Variants in TENM3 observed in about 807,000 individuals in gnomAD.
TENM3 encodes teneurin-3.
TENM3 carries 63 observed loss-of-function variants against 255.1 expected under a neutral mutation model. The observed-to-expected ratio is 0.25, with a 90% CI of 0.20 to 0.30. The LOEUF (loss-of-function observed/expected upper bound fraction) is 0.30, where lower values mean the gene tolerates loss of function less well. Ranked by LOEUF, TENM3 falls within the 10% of genes least tolerant of loss-of-function variation. TENM3 has a pLI of 1.00. For missense variants in TENM3, 2,929 were observed against 3,461.1 expected (o/e 0.85, Z 3.86); for synonymous variants, 1,306 against 1,322.3 (o/e 0.99, Z 0.27).
chr4:182,356,379 G>T (rs1765528500), intron 3 of TENM3, among the ~76,000 whole-genome samples: 1 of 152,140 alleles, frequency 6.6e-6, no homozygotes, highest in Admixed American at 6.6e-5. Context: ...TATAGTGGGT[G>T]TGGAAGTCAA....
chr4:182,342,420 G>A (rs114579683), intron 2 of TENM3, among the ~76,000 whole-genome samples: 5,496 of 151,914 alleles, frequency 0.036, 214 homozygotes, highest in African/African-American at 0.099. Flanking sequence ...TATTTGAAAT[G>A]TCCAGGAAGG....
At chr4:181,625,160 T>A in the TENM3 span, among the ~76,000 whole-genome samples, 1 of 152,178 alleles carries the variant, frequency 6.6e-6, no homozygotes, top group Non-Finnish European at 1.5e-5. Flanking sequence ...AAGAGTGGGA[T>A]CCAGGGATGG....
the TENM3 span, among the ~76,000 whole-genome samples, chr4:182,002,040 A>G: frequency 2.0e-5 from 3 of 152,264 alleles, no homozygotes; most frequent in Non-Finnish European, 2.9e-5. Flanking sequence ...CCAAATTTCA[A>G]TTGAACTTGT....
intron 12 of TENM3, among the ~76,000 whole-genome samples, chr4:182,712,626 A>G (rs1758834595): frequency 6.6e-6 from 1 of 152,106 alleles, no homozygotes; most frequent in Non-Finnish European, 1.5e-5. Context: ...CTTTCTGTTA[A>G]CTCTAATCTT....
chr4:182,631,142 T>C (rs1221223140), intron 5 of TENM3, among the ~76,000 whole-genome samples: 6 of 152,178 alleles, frequency 3.9e-5, no homozygotes, highest in African/African-American at 1.4e-4. Context: ...AGTACCATGG[T>C]CATAAACCTT....
In TENM3 at chr4:182,475,491, T is replaced by A. The variant is rs1392782388; in HGVS notation, c.512-125433T>A. The stretch of plus-strand genomic sequence containing the variant: ...TGGAAGTTGTAGTGAACAAATCATA[T>A]CATTGATGACGGGGGTGTGTTTTTA... On this transcript the variant is annotated intron_variant, in intron 3 of 27. Coordinates refer to ENST00000511685, the MANE Select transcript of TENM3 (RefSeq NM_001080477.4). Among the ~76,000 whole-genome samples the A allele has an allele frequency of 3.3e-5, 5 of 152,268 alleles. 1 individual carries two copies. The highest frequency in any genetic ancestry group is 4.1e-4 in the South Asian group (2 of 4,824).
At chr4:182,353,318 C>T (rs916771352) in intron 3 of TENM3, among the ~76,000 whole-genome samples, 1 of 152,130 alleles carries the variant, frequency 6.6e-6, no homozygotes, top group Non-Finnish European at 1.5e-5. Flanking sequence ...ACATACTAAA[C>T]TATAGCTTGA....
intron 3 of TENM3, among the ~76,000 whole-genome samples, chr4:182,510,279 A>G (rs1737256773): frequency 6.6e-6 from 1 of 152,082 alleles, no homozygotes; most frequent in Admixed American, 6.5e-5. Context: ...TTTCCTCTCC[A>G]TCAGTACTAC....
intron 6 of TENM3, among the ~76,000 whole-genome samples, chr4:182,655,296 C>CAGACTGAA (rs1753660867): frequency 6.6e-6 from 1 of 152,100 alleles, no homozygotes; most frequent in African/African-American, 2.4e-5. Flanking sequence ...AACTTTTTTA[C>CAGACTGAA]AGACTGAAGA....
At chr4:182,790,601 G>A (rs960265711) in intron 25 of TENM3, among the ~76,000 whole-genome samples, 9 of 152,036 alleles carry the variant, frequency 5.9e-5, no homozygotes, top group Admixed American at 5.2e-4. Flanking sequence ...TGGCCAATCC[G>A]TCCTCTTGCA....
intron 1 of TENM3, among the ~76,000 whole-genome samples, chr4:182,267,030 T>G (rs954428444): frequency 6.6e-6 from 1 of 152,192 alleles, no homozygotes; most frequent in Non-Finnish European, 1.5e-5. Flanking sequence ...GATTGTAACA[T>G]CAAACTAAAG....
the TENM3 span, among the ~76,000 whole-genome samples, chr4:181,757,002 G>A: frequency 1.3e-5 from 2 of 152,148 alleles, no homozygotes; most frequent in Non-Finnish European, 2.9e-5. Flanking sequence ...GAGAAACCCT[G>A]TCTGTGTGTG....
chr4:182,412,216 T>G (rs113266269), intron 3 of TENM3, among the ~76,000 whole-genome samples: 111 of 152,224 alleles, frequency 7.3e-4, no homozygotes, highest in Non-Finnish European at 1.3e-3. Flanking sequence ...TGCAGATACT[T>G]CCAGACTTGG....
chr4:182,725,589 A>G, intron 13 of TENM3, among the ~76,000 whole-genome samples: 1 of 151,008 alleles, frequency 6.6e-6, no homozygotes, highest in Non-Finnish European at 1.5e-5. Flanking sequence ...ATAAATTTAT[A>G]TGAAATTTCC....
chr4:182,722,969 G>T (rs1035867240), intron 13 of TENM3, among the ~76,000 whole-genome samples: 1 of 152,216 alleles, frequency 6.6e-6, no homozygotes, highest in Non-Finnish European at 1.5e-5. Context: ...AAGCTGAGCG[G>T]GGTGGATGGT....
the TENM3 span, among the ~76,000 whole-genome samples, chr4:182,132,750 TAA>T: frequency 1.3e-5 from 2 of 152,336 alleles, no homozygotes; most frequent in Non-Finnish European, 2.9e-5. Context: ...TGTGTGTGTG[TAA>T]GATTTTATAT....
In TENM3 at chr4:182,621,673, TATATAA is replaced by T. The variant is rs1750192972; in HGVS notation, c.750-6976_750-6971del. Among the ~76,000 whole-genome samples the T allele has an allele frequency of 6.2e-5, 4 of 64,366 alleles. 1 individual carries two copies. Among genetic ancestry groups the T allele is most frequent in the African/African-American group, 1.3e-4 (2 of 15,416 alleles). 42.2% of individuals were successfully genotyped at this position (64,366 alleles called of 152,430 possible). On this transcript the variant is annotated intron_variant, in intron 4 of 27. Transcript: ENST00000511685. Reference sequence around the variant, plus strand: ...ATTATAATATATAATATGTATTATATATATAAAATATATAATATATATTATATATAA... The same window carrying T: ...ATTATAATATATAATATGTATTATATAATATATAATATATATTATATATAA...
chr4:182,587,860 T>G (rs1380045352), intron 3 of TENM3, among the ~76,000 whole-genome samples: 1 of 152,196 alleles, frequency 6.6e-6, no homozygotes, highest in Non-Finnish European at 1.5e-5. Context: ...ATGTTAATAG[T>G]TATAATACAA....
the TENM3 span, chr4:181,834,744 C>T: frequency 3.9e-5 from 6 of 152,264 alleles, no homozygotes; most frequent in African/African-American, 9.6e-5. Context: ...ACAACGGCCT[C>T]ACACTATTCT....
Sources: allele counts gnomAD v4.1 joint callset (sites outside exome capture counted in the v4.1 genomes callset), GRCh38; gene constraint gnomAD v4.1.1; transcripts MANE v1.5; gene names NCBI Gene and HGNC (gene_info 2026-07-23, HGNC 2026-07-21).